The following GNB4 variants were observed in gnomAD, a reference collection of about 807,000 sequenced individuals.
GNB4 encodes G protein subunit beta 4.
Under a neutral mutation model 45.2 loss-of-function variants are expected in GNB4, and 28 were observed. The observed-to-expected ratio is 0.62, with a 90% CI of 0.46 to 0.85. GNB4 has a LOEUF of 0.85. Ranked by LOEUF, GNB4 falls within the 40% of genes least tolerant of loss-of-function variation. The probability of loss-of-function intolerance (pLI) is 0.00; values close to 1 mark genes in which losing one functional copy is unlikely to be tolerated. For missense variants in GNB4, 321 were observed against 425.4 expected (o/e 0.75, Z 2.16); for synonymous variants, 132 against 143.7 (o/e 0.92, Z 0.58).
Position 179,399,891 on chromosome 3 carries a change from C to A in GNB4, c.*1322G>T, listed in dbSNP as rs1477744570. On this transcript the variant is annotated 3_prime_UTR_variant, in exon 10 of 10. Coordinates refer to ENST00000232564, the MANE Select transcript of GNB4 (RefSeq NM_021629.4). Reference sequence around the variant, plus strand: ...GACTTATTTGTAAAAGAGAATCCAACAGGAAAAGTATCTTTAACTTGGTCG... The same window carrying A: ...GACTTATTTGTAAAAGAGAATCCAAAAGGAAAAGTATCTTTAACTTGGTCG... 1 of 152,212 alleles carries A rather than the reference C, an allele frequency of 6.6e-6. No homozygotes were observed. Among genetic ancestry groups the A allele is most frequent in the East Asian group, 1.9e-4 (1 of 5,198 alleles). The allele number at this position is 152,212 out of a possible 1,614,324, so 9.4% of individuals were successfully genotyped here. A position where few individuals can be genotyped will look rare whatever the true frequency, so the allele number is the denominator to read the frequency against.
At chr3:179,510,166 A>G in the GNB4 span, among the ~76,000 whole-genome samples, 1 of 151,960 alleles carries the variant, frequency 6.6e-6, no homozygotes, top group African/African-American at 2.4e-5. Context: ...AAAATAGGAA[A>G]ACAAATTGAG....
intron 1 of GNB4, among the ~76,000 whole-genome samples, chr3:179,447,401 T>A (rs1715762400): frequency 6.6e-6 from 1 of 151,654 alleles, no homozygotes; most frequent in Non-Finnish European, 1.5e-5. Flanking sequence ...CTCACTCTAT[T>A]GCCCAGGCAC....
At chr3:179,478,891 G>A in the GNB4 span, among the ~76,000 whole-genome samples, 1 of 152,172 alleles carries the variant, frequency 6.6e-6, no homozygotes, top group Non-Finnish European at 1.5e-5. Flanking sequence ...GTTTAGAAGT[G>A]TGTAGCACCT....
chr3:179,452,664 C>A (rs1297090520), upstream of GNB4, among the ~76,000 whole-genome samples: 1 of 151,908 alleles, frequency 6.6e-6, no homozygotes, highest in Non-Finnish European at 1.5e-5. Context: ...AAAGCCAGGC[C>A]GTGACAAAAA....
the GNB4 span, among the ~76,000 whole-genome samples, chr3:179,521,725 C>T: frequency 6.6e-6 from 1 of 152,210 alleles, no homozygotes; most frequent in African/African-American, 2.4e-5. Context: ...CCTACTTAGG[C>T]ACTCTCTAAT....
rs750715871 is a variant in GNB4 at position 179,398,801 on chromosome 3, G to A, written c.*2412C>T. 41 of 151,888 alleles carry A rather than the reference G, an allele frequency of 2.7e-4. No individual in the cohort carries two copies. The highest frequency in any genetic ancestry group is 5.7e-4 in the Non-Finnish European group (39 of 67,988). 9.4% of individuals were successfully genotyped at this position (151,888 alleles called of 1,614,324 possible). ...ATTGTGGTAGTGAGGCTACTCTGTC[G>A]CCATTTGTTTATGTGTATAATTAAC... is the stretch of plus-strand genomic sequence containing the variant. On this transcript the variant is annotated 3_prime_UTR_variant, in exon 10 of 10. Transcript: ENST00000232564.
chr3:179,423,020 T>C (rs1004211795), intron 2 of GNB4, among the ~76,000 whole-genome samples: 4 of 152,148 alleles, frequency 2.6e-5, no homozygotes, highest in Non-Finnish European at 5.9e-5. Context: ...TTCGATCTCC[T>C]GACCTCGTGA....
chr3:179,471,152 C>A, the GNB4 span, among the ~76,000 whole-genome samples: 1 of 144,572 alleles, frequency 6.9e-6, no homozygotes, highest in East Asian at 2.1e-4. Flanking sequence ...GCACTCCAAC[C>A]TGGGCAACAG....
At chr3:179,500,433 T>C in the GNB4 span, among the ~76,000 whole-genome samples, 4 of 152,188 alleles carry the variant, frequency 2.6e-5, no homozygotes, top group East Asian at 7.7e-4. Context: ...TTCTGTTCCA[T>C]TGGTCTATAT....
At chr3:179,466,103 C>T in the GNB4 span, among the ~76,000 whole-genome samples, 940 of 145,730 alleles carry the variant, frequency 6.5e-3, 17 homozygotes, top group African/African-American at 0.022. Context: ...CTCTGCCTCT[C>T]GGGTTCGAAC....
chr3:179,494,610 G>A, the GNB4 span, among the ~76,000 whole-genome samples: 1 of 151,606 alleles, frequency 6.6e-6, no homozygotes, highest in African/African-American at 2.4e-5. Context: ...AAGGAAGGAA[G>A]AAAAGAAGGA....
intron 8 of GNB4, among the ~76,000 whole-genome samples, chr3:179,412,379 G>A (rs1714676836): frequency 2.6e-5 from 4 of 152,146 alleles, no homozygotes; most frequent in South Asian, 2.1e-4. Context: ...TCCTGAGGCT[G>A]AGGCAGGAAG....
chr3:179,415,367 A>C (rs1327370231), intron 5 of GNB4, among the ~76,000 whole-genome samples: 1 of 152,252 alleles, frequency 6.6e-6, no homozygotes, highest in East Asian at 1.9e-4. Context: ...GTAAAATGTT[A>C]GAGGTTTTAA....
intron 8 of GNB4, among the ~76,000 whole-genome samples, chr3:179,407,460 ATAAG>A (rs1283635745): frequency 6.6e-6 from 1 of 152,178 alleles, no homozygotes; most frequent in Admixed American, 6.5e-5. Flanking sequence ...CTGTCTCAAA[ATAAG>A]TAAGTAAATA....
the GNB4 span, among the ~76,000 whole-genome samples, chr3:179,462,462 A>G: frequency 6.6e-6 from 1 of 152,336 alleles, no homozygotes; most frequent in East Asian, 1.9e-4. Context: ...ACCTAAGTTC[A>G]TATCTTGCCT....
At chr3:179,489,249 G>T in the GNB4 span, among the ~76,000 whole-genome samples, 3 of 151,498 alleles carry the variant, frequency 2.0e-5, no homozygotes, top group South Asian at 6.3e-4. Context: ...ATGTAGAATA[G>T]AATAAAATAT....
the GNB4 span, among the ~76,000 whole-genome samples, chr3:179,514,498 T>C: frequency 1.3e-5 from 2 of 152,206 alleles, no homozygotes; most frequent in South Asian, 4.1e-4. Context: ...TGTTAGGGGC[T>C]GAATTATGTC....
chr3:179,462,990 A>G, the GNB4 span, among the ~76,000 whole-genome samples: 3 of 152,356 alleles, frequency 2.0e-5, no homozygotes, highest in East Asian at 5.8e-4. Context: ...GAGCTAATGA[A>G]GAAAAAAAGG....
the GNB4 span, among the ~76,000 whole-genome samples, chr3:179,510,082 G>A: frequency 4.0e-5 from 6 of 151,424 alleles, no homozygotes; most frequent in East Asian, 1.9e-4. Flanking sequence ...CTCCTGCTTC[G>A]GCCTCCCAAA....
Sources: allele counts gnomAD v4.1 joint callset (sites outside exome capture counted in the v4.1 genomes callset), GRCh38; gene constraint gnomAD v4.1.1; transcripts MANE v1.5; gene names NCBI Gene and HGNC (gene_info 2026-07-23, HGNC 2026-07-21).